The following SPECC1 variants were observed in gnomAD, a reference collection of about 807,000 sequenced individuals.
The protein encoded by SPECC1 is sperm antigen with calponin homology and coiled-coil domains 1, also known as cytospin-B.
In SPECC1, 62 loss-of-function variants were observed where a neutral mutation model predicts 104.1. That is an observed-to-expected ratio of 0.60 (90% CI 0.49 to 0.74). The LOEUF (loss-of-function observed/expected upper bound fraction) is 0.74. SPECC1 is among the 30% of genes least tolerant of loss of function. The pLI is 0.00. For synonymous variants in SPECC1, 513 were observed against 501.6 expected, an observed-to-expected ratio of 1.02 and a Z score of -0.30; for missense variants, 1,306 against 1,310.5, an observed-to-expected ratio of 1.00 and a Z score of 0.05.
chr17:20,135,525 C>T (rs2049871835), intron 3 of SPECC1, among the ~76,000 whole-genome samples: 1 of 152,150 alleles, frequency 6.6e-6, no homozygotes, highest in South Asian at 2.1e-4. Flanking sequence ...GATCATGGCC[C>T]ACTGCAGCCT....
chr17:20,315,913 A>G lies in SPECC1; in HGVS notation c.*1848A>G, dbSNP rs9913192. 0.02 allele frequency: 4,587 copies of G among 232,470 alleles called. 213 individuals carry two copies. Among genetic ancestry groups the G allele is most frequent in the African/African-American group, 0.093 (4,242 of 45,398 alleles). 14.4% of individuals were successfully genotyped at this position (232,470 alleles called of 1,614,324 possible). On this transcript the variant is annotated 3_prime_UTR_variant, in exon 15 of 15. Coordinates refer to ENST00000395527, the MANE Select transcript of SPECC1 (RefSeq NM_001243439.2). ...GTTGGTTAACTTCAGAATGTCTGGA[A>G]TGGGACCAGAGATGCAGTTCACATG...
intron 12 of SPECC1, among the ~76,000 whole-genome samples, chr17:20,272,108 T>G (rs147061953): frequency 1.6e-3 from 250 of 152,300 alleles, no homozygotes; most frequent in African/African-American, 5.6e-3. Flanking sequence ...TCTATCATGC[T>G]AGGCACTCAC....
chr17:20,227,275 T>C (rs2038276510), intron 4 of SPECC1, 138 bp from the exon 5 acceptor site: 1 of 738,244 alleles, frequency 1.4e-6, no homozygotes, highest in Non-Finnish European at 2.3e-6. Flanking sequence ...TAATGTTTTA[T>C]TTTAGATTGA....
rs2040857213 is a variant in SPECC1, at chr17:20,283,874, C to G, written c.2941-13087C>G. 2.0e-5 allele frequency among the ~76,000 whole-genome samples: 3 copies of G among 152,172 alleles called. No individual in the cohort carries two copies. In the South Asian group the frequency reaches 6.2e-4, roughly 32 times the overall value. ...AAAGTGCTAGGATTATAGGCATGAG[C>G]TACCATGTCTGTCCTCTTTCTTATT... On this transcript the variant is annotated intron_variant, in intron 12 of 14. Transcript: ENST00000395527.
At chr17:20,144,891 T>G (rs1306731459) in intron 3 of SPECC1, among the ~76,000 whole-genome samples, 1 of 151,766 alleles carries the variant, frequency 6.6e-6, no homozygotes, top group Non-Finnish European at 1.5e-5. Context: ...AGTACAGAGG[T>G]TTTTTTTGTG....
intron 3 of SPECC1, among the ~76,000 whole-genome samples, chr17:20,202,250 G>C (rs1211711716): frequency 6.6e-6 from 1 of 152,054 alleles, no homozygotes; most frequent in African/African-American, 2.4e-5. Context: ...GTAGCTGCTT[G>C]GAAGGTACTG....
intron 1 of SPECC1, among the ~76,000 whole-genome samples, chr17:20,020,504 T>C (rs1377866644): frequency 6.6e-6 from 1 of 152,086 alleles, no homozygotes; most frequent in Non-Finnish European, 1.5e-5. Context: ...TGGGTAATTC[T>C]TGTATTTTTT....
At chr17:20,292,980 G>T (rs1446191728) in intron 12 of SPECC1, among the ~76,000 whole-genome samples, 1 of 152,172 alleles carries the variant, frequency 6.6e-6, no homozygotes, top group Non-Finnish European at 1.5e-5. Context: ...GGCCCACCAG[G>T]GTCATCCTGG....
chr17:20,267,616 C>G (rs2040261254), intron 12 of SPECC1, among the ~76,000 whole-genome samples: 1 of 152,006 alleles, frequency 6.6e-6, no homozygotes. Context: ...TCTGATTGTT[C>G]TTGGTGGTTT....
intron 4 of SPECC1, among the ~76,000 whole-genome samples, chr17:20,214,562 A>C (rs998523008): frequency 3.3e-5 from 5 of 152,202 alleles, no homozygotes; most frequent in Admixed American, 3.3e-4. Context: ...GGCTGAGTGC[A>C]GTGGTGCATC....
At chr17:20,247,385 T>A in intron 9 of SPECC1, 66 bp downstream of exon 9, 3 of 1,174,498 alleles carry the variant, frequency 2.6e-6, no homozygotes, top group Non-Finnish European at 3.8e-6. Flanking sequence ...TGTTTTTCTT[T>A]ACACATATTA....
At chr17:20,032,875 C>CAT (rs935029672) in intron 1 of SPECC1, among the ~76,000 whole-genome samples, 3 of 151,566 alleles carry the variant, frequency 2.0e-5, no homozygotes, top group African/African-American at 7.3e-5. Flanking sequence ...TTTCATGCTT[C>CAT]ATATATATAT....
At position 20,157,347 on chromosome 17, in the gene SPECC1, T is replaced by A. The variant is rs547973226; in HGVS notation, c.283+46785T>A. Among the ~76,000 whole-genome samples, 20 of 152,132 alleles carry A rather than the reference T, an allele frequency of 1.3e-4. No homozygotes were observed. In the East Asian group the frequency reaches 2.1e-3, roughly 16 times the overall value. The stretch of plus-strand genomic sequence containing the variant: ...TCCAAGTTTCTTCACAGGAATACTA[T>A]GAAGAAAAATTTCAGGGGCCAGCTT... On this transcript the variant is annotated intron_variant, in intron 3 of 14. Transcript: ENST00000395527.
intron 12 of SPECC1, among the ~76,000 whole-genome samples, chr17:20,291,964 A>G (rs1191754959): frequency 6.6e-6 from 1 of 150,428 alleles, no homozygotes; most frequent in Non-Finnish European, 1.5e-5. Flanking sequence ...GGGAAAGAAC[A>G]CTTCCAGGCA....
At chr17:20,191,112 A>C (rs1239213850) in intron 3 of SPECC1, among the ~76,000 whole-genome samples, 1 of 152,198 alleles carries the variant, frequency 6.6e-6, no homozygotes, top group Admixed American at 6.5e-5. Context: ...GGATGATACT[A>C]ATAGTCCATT....
chr17:20,173,505 C>G (rs2034239756), intron 3 of SPECC1, among the ~76,000 whole-genome samples: 1 of 152,188 alleles, frequency 6.6e-6, no homozygotes, highest in Admixed American at 6.5e-5. Context: ...CAGTATACCC[C>G]CAATGACACT....
At chr17:20,058,600 A>G (rs773669402) in intron 1 of SPECC1, among the ~76,000 whole-genome samples, 11 of 152,272 alleles carry the variant, frequency 7.2e-5, no homozygotes, top group Middle Eastern at 3.4e-3. Context: ...TTGAGGCTAC[A>G]GTGAGCTGTG....
intron 4 of SPECC1, among the ~76,000 whole-genome samples, chr17:20,208,196 A>T (rs1475428861): frequency 6.6e-6 from 1 of 152,236 alleles, no homozygotes; most frequent in Non-Finnish European, 1.5e-5. Context: ...GAAGTATCAA[A>T]TACTGATAGT....
At chr17:20,093,004 C>A (rs937433598) in intron 1 of SPECC1, among the ~76,000 whole-genome samples, 2 of 152,130 alleles carry the variant, frequency 1.3e-5, no homozygotes, top group African/African-American at 4.8e-5. Context: ...ATCTTGGCTC[C>A]AAGATAAACT....
Sources: gnomAD v4.1 joint callset for allele counts (sites outside exome capture counted in the v4.1 genomes callset) on GRCh38, gnomAD v4.1.1 for gene constraint, MANE v1.5 for transcripts, NCBI Gene and HGNC (gene_info 2026-07-23, HGNC 2026-07-21) for gene names.